RGS7: variants seen among roughly 807,000 people sequenced by gnomAD.
RGS7 encodes the protein regulator of G protein signaling 7.
In RGS7, 27 loss-of-function variants were observed where a neutral mutation model predicts 81.1. The observed-to-expected ratio is 0.33, with a 90% CI of 0.25 to 0.46. The LOEUF is 0.46. Ranked by LOEUF, RGS7 falls within the 20% of genes least tolerant of loss-of-function variation. The pLI is 1.00. For missense variants in RGS7, 396 were observed against 607.4 expected, an observed-to-expected ratio of 0.65 and a Z score of 3.66; for synonymous variants, 208 against 207.7, an observed-to-expected ratio of 1.00 and a Z score of -0.01.
At chr1:241,091,162 G>A (rs867090576) in intron 3 of RGS7, among the ~76,000 whole-genome samples, 4 of 152,044 alleles carry the variant, frequency 2.6e-5, no homozygotes, top group Non-Finnish European at 5.9e-5. Context: ...GGAATAAAAC[G>A]AATGTATTTA....
chr1:241,352,005 A>C (rs2083277822), intron 2 of RGS7, among the ~76,000 whole-genome samples: 2 of 152,188 alleles, frequency 1.3e-5, no homozygotes, highest in African/African-American at 4.8e-5. Flanking sequence ...CAGGAATGTC[A>C]GCTGCTGGAC....
chr1:241,133,130 T>C (rs1217227285), intron 2 of RGS7, among the ~76,000 whole-genome samples: 1 of 152,190 alleles, frequency 6.6e-6, no homozygotes, highest in Non-Finnish European at 1.5e-5. Context: ...TATAATTGTA[T>C]TGTAGTACAT....
chr1:241,276,080 A>G (rs181802301), intron 2 of RGS7, among the ~76,000 whole-genome samples: 114 of 152,332 alleles, frequency 7.5e-4, no homozygotes, highest in Non-Finnish European at 1.3e-3. Context: ...AATTATATTT[A>G]TCACCTGCCT....
At chr1:241,129,397 A>G (rs1420592933) in intron 2 of RGS7, among the ~76,000 whole-genome samples, 6 of 152,094 alleles carry the variant, frequency 3.9e-5, no homozygotes, top group Non-Finnish European at 8.8e-5. Context: ...TTCTTTCCGT[A>G]TTCTGACTCT....
chr1:240,928,399 T>G (rs1674829663), intron 6 of RGS7, among the ~76,000 whole-genome samples: 1 of 152,166 alleles, frequency 6.6e-6, no homozygotes, highest in Non-Finnish European at 1.5e-5. Flanking sequence ...TGCAGCATTT[T>G]GGGACGATCT....
In RGS7 at chr1:241,221,084, GAAGGAAGA is replaced by G. The variant is rs1205612241; in HGVS notation, c.79-122330_79-122323del. ...GAGAGAGAGAGAGAAAGGAAGGAAG[GAAGGAAGA>G]AAGGAAGGAAGGAAGGAAGGAAGGG... is the stretch of plus-strand genomic sequence containing the variant. On this transcript the variant is annotated intron_variant, in intron 2 of 18. Coordinates refer to ENST00000440928, the MANE Select transcript of RGS7 (RefSeq NM_001364886.1). 2.9e-4 allele frequency among the ~76,000 whole-genome samples: 39 copies of G among 135,644 alleles called. 1 individual carries two copies. The highest frequency in any genetic ancestry group is 2.3e-3 in the Admixed American group (31 of 13,474). 89.0% of individuals were successfully genotyped at this position (135,644 alleles called of 152,430 possible).
At chr1:241,234,000 T>G (rs1182450302) in intron 2 of RGS7, among the ~76,000 whole-genome samples, 1 of 152,210 alleles carries the variant, frequency 6.6e-6, no homozygotes, top group East Asian at 1.9e-4. Context: ...TCGTGAGCAC[T>G]GAACTTTCGA....
chr1:241,004,875 T>C lies in RGS7; in HGVS notation c.176-21746A>G, dbSNP rs184653352. ...TGAGGAGAAGGGGTTCTGATTTCCA[T>C]GACCCGCCTCGGGCCAGAGGGATTC... On this transcript the variant is annotated intron_variant, in intron 3 of 18. Coordinates refer to ENST00000440928, the MANE Select transcript of RGS7 (RefSeq NM_001364886.1). Among the ~76,000 whole-genome samples the C allele has an allele frequency of 5.3e-3, 806 of 152,316 alleles. 7 individuals carry two copies. The highest frequency in any genetic ancestry group is 0.018 in the African/African-American group (741 of 41,566).
chr1:241,214,239 A>T (rs1175659945), intron 2 of RGS7, among the ~76,000 whole-genome samples: 1 of 151,654 alleles, frequency 6.6e-6, no homozygotes, highest in Non-Finnish European at 1.5e-5. Context: ...ATTTATCTTA[A>T]TTTTTTTTAT....
At chr1:241,104,667 AAAAGTT>A (rs1478098024) in intron 2 of RGS7, among the ~76,000 whole-genome samples, 4 of 151,720 alleles carry the variant, frequency 2.6e-5, no homozygotes, top group African/African-American at 9.7e-5. Context: ...TGATAAAAGT[AAAAGTT>A]AAACAAGTGT....
At position 241,125,026 on chromosome 1, in the gene RGS7, C is replaced by T. The variant is rs75911304; in HGVS notation, c.79-26264G>A. On this transcript the variant is annotated intron_variant, in intron 2 of 18. Coordinates refer to ENST00000440928, the MANE Select transcript of RGS7 (RefSeq NM_001364886.1). ...ACTTGGGATGGCAGGTTGTTTTGCACGGTCATGCCCTTTTACTTCATGAGC... is the reference window on the plus strand; with the variant it reads ...ACTTGGGATGGCAGGTTGTTTTGCATGGTCATGCCCTTTTACTTCATGAGC... Among the ~76,000 whole-genome samples the T allele has an allele frequency of 1.9e-4, 29 of 152,302 alleles. No homozygotes were observed. In the East Asian group the frequency reaches 4.4e-3, roughly 23 times the overall value.
At chr1:241,232,538 T>C (rs2075724700) in intron 2 of RGS7, among the ~76,000 whole-genome samples, 1 of 152,114 alleles carries the variant, frequency 6.6e-6, no homozygotes, top group Non-Finnish European at 1.5e-5. Flanking sequence ...CCACATTGCC[T>C]GATAAATGTA....
rs549703370 is a variant in RGS7 at position 241,223,718 on chromosome 1, A to G, written c.79-124956T>C. ...TCATAAATTAGACATTGCAAAAAAA[A>G]AAAAAGAAAGAAAATTCTGTTTGGT... On this transcript the variant is annotated intron_variant, in intron 2 of 18. Transcript: ENST00000440928. 5.5e-4 allele frequency among the ~76,000 whole-genome samples: 84 copies of G among 152,272 alleles called. No individual in the cohort carries two copies. In the Middle Eastern group the frequency reaches 0.014, roughly 25 times the overall value.
chr1:240,897,736 A>C (rs572428652), intron 6 of RGS7, among the ~76,000 whole-genome samples: 73 of 152,232 alleles, frequency 4.8e-4, no homozygotes, highest in African/African-American at 1.8e-3. Context: ...TATTGGTCTA[A>C]AATTCTCTTT....
intron 9 of RGS7, among the ~76,000 whole-genome samples, chr1:240,856,732 T>C (rs1263563579): frequency 1.3e-5 from 2 of 152,172 alleles, no homozygotes; most frequent in African/African-American, 2.4e-5. Flanking sequence ...TAGCATTCTC[T>C]GAAGAAATAT....
chr1:241,285,782 C>T (rs184227209), intron 2 of RGS7, among the ~76,000 whole-genome samples: 2 of 152,312 alleles, frequency 1.3e-5, no homozygotes, highest in Admixed American at 1.3e-4. Flanking sequence ...GGGCTGGACT[C>T]CCGATTATTG....
At chr1:241,067,437 G>A (rs77641199) in intron 3 of RGS7, among the ~76,000 whole-genome samples, 3,876 of 152,132 alleles carry the variant, frequency 0.025, 149 homozygotes, top group African/African-American at 0.076. Flanking sequence ...GAAGACCACC[G>A]AGAGCTATCC....
chr1:241,327,799 T>C (rs2081700891), intron 2 of RGS7, among the ~76,000 whole-genome samples: 1 of 152,218 alleles, frequency 6.6e-6, no homozygotes, highest in Admixed American at 6.5e-5. Flanking sequence ...TTGAAATTCC[T>C]ACAGGAAAAA....
At chr1:241,081,149 T>C (rs1438851269) in intron 3 of RGS7, among the ~76,000 whole-genome samples, 1 of 152,178 alleles carries the variant, frequency 6.6e-6, no homozygotes, top group East Asian at 1.9e-4. Context: ...AAAAGTCACC[T>C]TTGCATTATT....
Sources: gnomAD v4.1 joint callset for allele counts (sites outside exome capture counted in the v4.1 genomes callset) on GRCh38, gnomAD v4.1.1 for gene constraint, MANE v1.5 for transcripts, NCBI Gene and HGNC (gene_info 2026-07-23, HGNC 2026-07-21) for gene names.